The following NAALADL2 variants were observed in gnomAD, a reference collection of about 807,000 sequenced individuals.
NAALADL2 encodes N-acetylated alpha-linked acidic dipeptidase like 2.
In NAALADL2, 76 loss-of-function variants were observed where a neutral mutation model predicts 87.2. The observed-to-expected ratio is 0.87, with a 90% confidence interval of 0.72 to 1.05. The LOEUF is 1.05. Ranked by LOEUF, NAALADL2 falls within the 50% of genes least tolerant of loss-of-function variation. The pLI is 0.00. For missense variants in NAALADL2, 1,089 were observed against 945.8 expected (o/e 1.15, Z -1.99); for synonymous variants, 354 against 331.0 (o/e 1.07, Z -0.75).
intron 9 of NAALADL2, among the ~76,000 whole-genome samples, chr3:175,575,013 A>C (rs896333842): frequency 1.2e-4 from 19 of 152,170 alleles, no homozygotes; most frequent in Admixed American, 1.1e-3. Context: ...AAATTTATTA[A>C]AGAAGACATT....
intron 2 of NAALADL2, among the ~76,000 whole-genome samples, chr3:174,640,534 C>T (rs1578398765): frequency 6.6e-6 from 1 of 152,306 alleles, no homozygotes; most frequent in East Asian, 1.9e-4. Context: ...TTCTGCCCTC[C>T]TCTCCTCTCT....
At chr3:175,076,146 T>A (rs1285432380) in intron 1 of NAALADL2, among the ~76,000 whole-genome samples, 1 of 152,048 alleles carries the variant, frequency 6.6e-6, no homozygotes, top group Non-Finnish European at 1.5e-5. Context: ...TAGAATAGAT[T>A]GAACCTTGGA....
At chr3:175,542,718 C>G (rs1361376965) in intron 9 of NAALADL2, among the ~76,000 whole-genome samples, 1 of 152,072 alleles carries the variant, frequency 6.6e-6, no homozygotes, top group Non-Finnish European at 1.5e-5. Context: ...GTGGAGCCAA[C>G]TGTAATTATT....
In NAALADL2 at chr3:174,636,656, C is replaced by T. The variant is rs115456853; in HGVS notation, c.-115+86019C>T. ...TAGTATTAAAAAGTCAGAAAAAGAA[C>T]GGATGTTGGCAAGGATACAGAGAAA... On this transcript the variant is annotated intron_variant, in intron 2 of 3. Coordinates refer to the NAALADL2 transcript ENST00000434257. Among the ~76,000 whole-genome samples the T allele has an allele frequency of 3.4e-3, 524 of 151,994 alleles. 4 individuals carry two copies. The highest frequency in any genetic ancestry group is 0.012 in the African/African-American group (494 of 41,450).
intron 3 of NAALADL2, among the ~76,000 whole-genome samples, chr3:174,812,065 T>A (rs1720274977): frequency 6.6e-6 from 1 of 152,198 alleles, no homozygotes; most frequent in South Asian, 2.1e-4. Context: ...CAGAAGCAGA[T>A]GCTGCCCTAC....
chr3:174,537,289 G>A (rs879919257), intron 1 of NAALADL2, among the ~76,000 whole-genome samples: 5 of 152,100 alleles, frequency 3.3e-5, no homozygotes, highest in Admixed American at 6.6e-5. Context: ...TTAAAGGGAA[G>A]CAAATCTTCA....
intron 1 of NAALADL2, among the ~76,000 whole-genome samples, chr3:174,955,080 T>C (rs1452807613): frequency 1.3e-5 from 2 of 152,140 alleles, no homozygotes; most frequent in African/African-American, 4.8e-5. Flanking sequence ...ACATTTTCTC[T>C]TACTCCAAGA....
chr3:175,549,387 T>C (rs1002986011), intron 9 of NAALADL2, among the ~76,000 whole-genome samples: 4 of 152,038 alleles, frequency 2.6e-5, no homozygotes, highest in Non-Finnish European at 5.9e-5. Context: ...AAATCTACTC[T>C]TAAAATTATT....
At chr3:175,783,487 T>C (rs1239176009) in intron 13 of NAALADL2, among the ~76,000 whole-genome samples, 3 of 151,946 alleles carry the variant, frequency 2.0e-5, no homozygotes, top group East Asian at 3.9e-4. Flanking sequence ...GGGAGTTCAC[T>C]CATGATTTGG....
In NAALADL2 at chr3:175,626,467, T is replaced by C. The variant is rs376366088; in HGVS notation, c.1801-824T>C. On this transcript the variant is annotated intron_variant, in intron 10 of 13. Transcript: ENST00000454872. ...TAGAAAGAATAATGTAGTTCATAGT[T>C]GATGTCTCACTTCTCCTCATATTTA... Among the ~76,000 whole-genome samples, 6 of 151,970 alleles carry C rather than the reference T, an allele frequency of 3.9e-5. No individual in the cohort carries two copies. In the East Asian group the frequency reaches 5.8e-4, roughly 15 times the overall value.
chr3:175,233,359 A>G (rs914570106), intron 2 of NAALADL2, among the ~76,000 whole-genome samples: 3 of 152,180 alleles, frequency 2.0e-5, no homozygotes, highest in Non-Finnish European at 4.4e-5. Context: ...CAGAACTAAT[A>G]GAAGATTTAG....
At chr3:175,713,731 A>G (rs974691194) in intron 11 of NAALADL2, among the ~76,000 whole-genome samples, 3 of 151,740 alleles carry the variant, frequency 2.0e-5, no homozygotes, top group African/African-American at 7.3e-5. Context: ...CCAAATGCAA[A>G]GCCTCATTTT....
At chr3:175,138,982 G>A (rs1029476540) in intron 2 of NAALADL2, among the ~76,000 whole-genome samples, 1 of 144,314 alleles carries the variant, frequency 6.9e-6, no homozygotes, top group Non-Finnish European at 1.5e-5. Context: ...ATCTTTTCAA[G>A]AGTTGCAAAA....
At chr3:175,182,352 C>T (rs1736687972) in intron 2 of NAALADL2, among the ~76,000 whole-genome samples, 1 of 151,662 alleles carries the variant, frequency 6.6e-6, no homozygotes, top group African/African-American at 2.4e-5. Flanking sequence ...TACATCTTTT[C>T]TCTATTAATT....
At chr3:175,330,150 T>A (rs73047255) in intron 5 of NAALADL2, among the ~76,000 whole-genome samples, 253 of 152,268 alleles carry the variant, frequency 1.7e-3, no homozygotes, top group African/African-American at 5.9e-3. Context: ...CTGAGGATGA[T>A]AAAATCCACT....
chr3:174,920,001 G>A (rs562287960), intron 1 of NAALADL2, among the ~76,000 whole-genome samples: 16 of 152,130 alleles, frequency 1.1e-4, no homozygotes, highest in Non-Finnish European at 2.2e-4. Context: ...AATAGGTCTC[G>A]ACAGTGGGCT....
intron 2 of NAALADL2, among the ~76,000 whole-genome samples, chr3:174,650,627 G>GT: frequency 6.6e-6 from 1 of 152,196 alleles, no homozygotes; most frequent in Middle Eastern, 3.4e-3. Flanking sequence ...AGTTACGGTC[G>GT]TAATTGTTAA....
intron 3 of NAALADL2, among the ~76,000 whole-genome samples, chr3:174,781,572 G>A (rs1560220194): frequency 6.6e-6 from 1 of 151,984 alleles, no homozygotes; most frequent in Non-Finnish European, 1.5e-5. Context: ...AGGAATTATA[G>A]GGGAGGAAAA....
At chr3:175,110,157 G>A (rs1426991452) in intron 2 of NAALADL2, among the ~76,000 whole-genome samples, 1 of 151,786 alleles carries the variant, frequency 6.6e-6, no homozygotes, top group East Asian at 1.9e-4. Context: ...AATAATAAGA[G>A]AAATGTATTT....
Sources: gnomAD v4.1 joint callset for allele counts (sites outside exome capture counted in the v4.1 genomes callset) on GRCh38, gnomAD v4.1.1 for gene constraint, MANE v1.5 for transcripts, NCBI Gene and HGNC (gene_info 2026-07-23, HGNC 2026-07-21) for gene names.